The following IL6ST variants were observed in gnomAD, a reference collection of about 807,000 sequenced individuals.
The protein encoded by IL6ST is interleukin-6 receptor subunit beta.
In IL6ST, 24 loss-of-function variants were observed where a neutral mutation model predicts 91.3. The ratio of observed to expected loss-of-function variants is 0.26; its 90% CI spans 0.19 to 0.37. The LOEUF is 0.37. Among genes scored for constraint, IL6ST ranks in the 10% least tolerant of loss-of-function variants. The pLI, the probability that IL6ST is intolerant of heterozygous loss-of-function variation, is 1.00. For missense variants in IL6ST, 914 were observed against 1,078.5 expected (o/e 0.85, Z 2.14); for synonymous variants, 351 against 373.6 (o/e 0.94, Z 0.70).
chr5:55,969,801 AGTT>A lies in IL6ST; in HGVS notation c.116_118del (p.Gln39del). 6.2e-7 allele frequency: 1 copy of A among 1,611,428 alleles called. No homozygotes were observed. Among genetic ancestry groups the A allele is most frequent in the East Asian group, 2.2e-5 (1 of 44,786 alleles). On this transcript the variant is annotated inframe_deletion, in exon 4 of 17. Coordinates refer to ENST00000381298, the MANE Select transcript of IL6ST (RefSeq NM_002184.4). ...ACAAACTGCAGTGAAATTAGAATGA[AGTT>A]GTACAACTGGAGATTCAGGACTGAT...
At chr5:55,952,375 G>C (rs1011835130) in intron 11 of IL6ST, 24 bp from the exon 12 acceptor site, 1 of 1,335,690 alleles carries the variant, frequency 7.5e-7, no homozygotes. Flanking sequence ...AGCAGATTAA[G>C]CATGTTTTTC....
intron 16 of IL6ST, among the ~76,000 whole-genome samples, chr5:55,942,247 CAG>C (rs907714186): frequency 6.6e-6 from 1 of 152,132 alleles, no homozygotes; most frequent in South Asian, 2.1e-4. Flanking sequence ...ATTTAAAATT[CAG>C]AGTTTAGAGT....
rs557785307 is a variant in IL6ST at position 55,980,136 on chromosome 5, T to C, written c.-16+2588A>G. Among the ~76,000 whole-genome samples, 10 of 152,350 alleles carry C rather than the reference T, an allele frequency of 6.6e-5. No homozygotes were observed. In the South Asian group the frequency reaches 1.9e-3, roughly 28 times the overall value. On this transcript the variant is annotated intron_variant, in intron 2 of 16. Coordinates refer to ENST00000381298, the MANE Select transcript of IL6ST (RefSeq NM_002184.4). ...AGGATAAAAGTTCAAATACTGGCTG[T>C]GACAGGGTATTTGAGAGATCAGGGT...
At chr5:55,985,093 T>C (rs2111913799) in intron 1 of IL6ST, among the ~76,000 whole-genome samples, 1 of 152,376 alleles carries the variant, frequency 6.6e-6, no homozygotes, top group South Asian at 2.1e-4. Flanking sequence ...GATTTACGCA[T>C]TATTTTCTTG....
chr5:55,944,986 G>GT (rs1751150767), intron 15 of IL6ST, among the ~76,000 whole-genome samples: 1 of 139,804 alleles, frequency 7.2e-6, no homozygotes, highest in East Asian at 2.3e-4. Context: ...GTGGCCGAGT[G>GT]TAACAACCAT....
intron 3 of IL6ST, among the ~76,000 whole-genome samples, chr5:55,975,598 A>C (rs1326848318): frequency 6.6e-6 from 1 of 151,972 alleles, no homozygotes; most frequent in Non-Finnish European, 1.5e-5. Flanking sequence ...GAATTCCTGG[A>C]CTCAAGTTAT....
rs1750746085 is a variant in IL6ST at position 55,939,481 on chromosome 5, T to C, written c.*1601A>G. 1 of 204,764 alleles carries C rather than the reference T, an allele frequency of 4.9e-6. No homozygotes were observed. Among genetic ancestry groups the C allele is most frequent in the Non-Finnish European group, 1.0e-5 (1 of 100,014 alleles). The allele number at this position is 204,764 out of a possible 1,614,324, so 12.7% of individuals were successfully genotyped here. On this transcript the variant is annotated 3_prime_UTR_variant, in exon 17 of 17. Coordinates refer to ENST00000381298, the MANE Select transcript of IL6ST (RefSeq NM_002184.4). ...ATATTCTGAGAGTAAAAAGTGTAAT[T>C]ATATTTCCATTGTAAATGTATACCA...
intron 10 of IL6ST, among the ~76,000 whole-genome samples, chr5:55,955,744 G>A (rs1448819687): frequency 6.6e-6 from 1 of 152,200 alleles, no homozygotes; most frequent in Admixed American, 6.5e-5. Context: ...CACTAGCTGG[G>A]TTTGGTGGCA....
intron 11 of IL6ST, among the ~76,000 whole-genome samples, chr5:55,954,245 A>G (rs1251588980): frequency 1.3e-5 from 2 of 152,230 alleles, no homozygotes; most frequent in African/African-American, 4.8e-5. Context: ...ATTATCAACA[A>G]AAGACTATAA....
chr5:55,949,815 T>C, intron 14 of IL6ST, among the ~76,000 whole-genome samples: 1 of 152,162 alleles, frequency 6.6e-6, no homozygotes, highest in East Asian at 1.9e-4. Context: ...ACAAGGCACA[T>C]GGAATTTACT....
At chr5:55,953,767 T>C (rs2111692715) in intron 11 of IL6ST, among the ~76,000 whole-genome samples, 1 of 152,310 alleles carries the variant, frequency 6.6e-6, no homozygotes, top group East Asian at 1.9e-4. Flanking sequence ...GGTAAAAGAA[T>C]CGCTTGAGGC....
intron 15 of IL6ST, among the ~76,000 whole-genome samples, chr5:55,945,450 C>G (rs773631102): frequency 6.6e-6 from 1 of 151,924 alleles, no homozygotes; most frequent in South Asian, 2.1e-4. Context: ...TCTGAAGGAA[C>G]AAAATGAACC....
At chr5:55,977,771 A>G (rs554103992) in intron 2 of IL6ST, among the ~76,000 whole-genome samples, 21 of 152,232 alleles carry the variant, frequency 1.4e-4, no homozygotes, top group African/African-American at 5.1e-4. Context: ...GGTTGCAGTA[A>G]GCCCAGATCA....
chr5:55,944,658 G>A, intron 15 of IL6ST: 2 of 999,368 alleles, frequency 2.0e-6, no homozygotes. Context: ...TCGGCGCCAT[G>A]AGAGCCAAGT....
chr5:55,947,588 AGC>A lies in IL6ST; in HGVS notation c.1841-1_1841del. 3 of 663,852 alleles carry A rather than the reference AGC, an allele frequency of 4.5e-6. No homozygotes were observed. The highest frequency in any genetic ancestry group is 7.3e-6 in the Non-Finnish European group (3 of 413,034). The allele number at this position is 663,852 out of a possible 1,614,324, so 41.1% of individuals were successfully genotyped here. A position where few individuals can be genotyped will look rare whatever the true frequency, so the allele number is the denominator to read the frequency against. ...CGACTATGGCTTCAATTTCTCCTTGAGCTTAAAAAAAAAAAAAAAAAAAAAAA... is the reference window on the plus strand; with the variant it reads ...CGACTATGGCTTCAATTTCTCCTTGATTAAAAAAAAAAAAAAAAAAAAAAA... On this transcript the variant is annotated splice_acceptor_variant and coding_sequence_variant, in exon 15 of 17. Transcript: ENST00000381298. LOFTEE classifies it high-confidence loss of function.
At position 55,963,452 on chromosome 5, in the gene IL6ST, C is replaced by G; in HGVS notation, c.713G>C (p.Ser238Thr). The part of the protein sequence containing the change: ...LSVINSEELS[S>T]ILKLTWTNPS... The stretch of plus-strand genomic sequence containing the variant: ...GTTGGTCCATGTCAATTTTAAGATA[C>G]TAGACAGTTCCTCTGAGTTGATCAC... Residue 238 changes from serine (S) to threonine (T), a missense_variant, in exon 7 of 17, where the codon AGT (serine) becomes ACT (threonine). Physicochemically the swap from Ser to Thr is moderately conservative, Grantham distance 58. Coordinates refer to ENST00000381298, the MANE Select transcript of IL6ST (RefSeq NM_002184.4). 1 of 1,607,870 alleles carries G rather than the reference C, an allele frequency of 6.2e-7. No homozygotes were observed. Among genetic ancestry groups the G allele is most frequent in the East Asian group, 2.2e-5 (1 of 44,766 alleles).
intron 1 of IL6ST, among the ~76,000 whole-genome samples, chr5:55,984,560 C>A (rs1266068659): frequency 1.3e-5 from 2 of 152,128 alleles, no homozygotes; most frequent in Non-Finnish European, 2.9e-5. Flanking sequence ...CTAGGAGAGG[C>A]AAAGGAAGAT....
chr5:55,957,095 T>C, intron 9 of IL6ST, 114 bp downstream of exon 9: 1 of 517,662 alleles, frequency 1.9e-6, no homozygotes, highest in Non-Finnish European at 3.4e-6. Context: ...GAGGCAGAGG[T>C]TGCAGTGAGC....
chr5:55,987,627 C>A (rs889720052), intron 1 of IL6ST, among the ~76,000 whole-genome samples: 2 of 152,178 alleles, frequency 1.3e-5, no homozygotes, highest in Non-Finnish European at 2.9e-5. Flanking sequence ...ACATCTTAGG[C>A]AAGTTTTTAA....
Sources: gnomAD v4.1 joint callset for allele counts (sites outside exome capture counted in the v4.1 genomes callset) on GRCh38, gnomAD v4.1.1 for gene constraint, MANE v1.5 for transcripts, NCBI Gene and HGNC (gene_info 2026-07-23, HGNC 2026-07-21) for gene names.